CDK14: variants seen among roughly 807,000 people sequenced by gnomAD.
The protein encoded by CDK14 is cyclin-dependent kinase 14.
In CDK14, 34 loss-of-function variants were observed where a neutral mutation model predicts 60.7. That is an observed-to-expected ratio of 0.56 (90% CI 0.43 to 0.75). The LOEUF (loss-of-function observed/expected upper bound fraction) is 0.75. CDK14 is among the 30% of genes least tolerant of loss of function. The pLI is 0.00. For missense variants in CDK14, 482 were observed against 564.1 expected, an observed-to-expected ratio of 0.85 and a Z score of 1.47; for synonymous variants, 197 against 203.7, an observed-to-expected ratio of 0.97 and a Z score of 0.28.
chr7:90,725,576 T>C (rs186642930), intron 2 of CDK14, among the ~76,000 whole-genome samples: 1 of 152,300 alleles, frequency 6.6e-6, no homozygotes, highest in Non-Finnish European at 1.5e-5. Flanking sequence ...GTTTTTCTGC[T>C]TTTGATAGCA....
chr7:90,913,868 C>CAG (rs1355189515), intron 7 of CDK14, among the ~76,000 whole-genome samples: 1 of 152,102 alleles, frequency 6.6e-6, no homozygotes, highest in African/African-American at 2.4e-5. Flanking sequence ...TTGGGAGAGA[C>CAG]AGAGGGTTGA....
chr7:91,205,095 G>A (rs1802849183), intron 14 of CDK14, among the ~76,000 whole-genome samples: 1 of 152,160 alleles, frequency 6.6e-6, no homozygotes, highest in South Asian at 2.1e-4. Context: ...GTGGAAATGT[G>A]AAATGGTACA....
chr7:90,849,709 G>C (rs897361643), intron 5 of CDK14, among the ~76,000 whole-genome samples: 1 of 151,996 alleles, frequency 6.6e-6, no homozygotes. Flanking sequence ...AAAAGCCAGA[G>C]TGTTTATTTA....
At chr7:91,176,124 G>A (rs1801742670) in intron 14 of CDK14, among the ~76,000 whole-genome samples, 1 of 151,540 alleles carries the variant, frequency 6.6e-6, no homozygotes, top group African/African-American at 2.4e-5. Flanking sequence ...AGACCACAGT[G>A]CAATCAAACT....
intron 3 of CDK14, among the ~76,000 whole-genome samples, chr7:90,733,959 T>G (rs1048186401): frequency 2.0e-5 from 3 of 152,228 alleles, no homozygotes; most frequent in South Asian, 4.1e-4. Flanking sequence ...GTTGTTCCTT[T>G]CCATGTTTAG....
intron 3 of CDK14, among the ~76,000 whole-genome samples, chr7:90,740,542 A>G (rs868010563): frequency 3.1e-4 from 47 of 152,276 alleles, no homozygotes; most frequent in South Asian, 2.1e-3. Context: ...GTGAGGACAC[A>G]AGAGAAGGTG....
intron 7 of CDK14, among the ~76,000 whole-genome samples, chr7:90,901,674 G>GTA (rs10646692): frequency 0.54 from 80,120 of 148,026 alleles, 21,605 homozygotes; most frequent in East Asian, 0.7. Flanking sequence ...AGCTTTATAT[G>GTA]TATATATATA....
At chr7:90,827,336 A>G (rs1413079917) in intron 5 of CDK14, among the ~76,000 whole-genome samples, 3 of 152,132 alleles carry the variant, frequency 2.0e-5, no homozygotes, top group Non-Finnish European at 2.9e-5. Flanking sequence ...ACCACAGTTT[A>G]TTTATTTATT....
At chr7:90,618,899 G>C (rs934320659) in intron 2 of CDK14, among the ~76,000 whole-genome samples, 1 of 152,154 alleles carries the variant, frequency 6.6e-6, no homozygotes, top group Non-Finnish European at 1.5e-5. Context: ...GTGCCTTATT[G>C]TGTCTTTTTC....
intron 2 of CDK14, among the ~76,000 whole-genome samples, chr7:90,662,510 G>A (rs1405876466): frequency 6.6e-6 from 1 of 152,208 alleles, no homozygotes; most frequent in African/African-American, 2.4e-5. Flanking sequence ...CATGATAGTG[G>A]AATAATGCTT....
Position 91,173,958 on chromosome 7 carries a change from G to C in CDK14, c.*29-33207G>C, listed in dbSNP as rs867635939. Reference sequence around the variant, plus strand: ...CTCCAACTGGGTGGAGCCCACCACAGCTCAAGGAGGCCTGCCTGCCTCTGT... The same window carrying C: ...CTCCAACTGGGTGGAGCCCACCACACCTCAAGGAGGCCTGCCTGCCTCTGT... On this transcript the variant is annotated intron_variant, in intron 14 of 14. Transcript: ENST00000380050. Among the ~76,000 whole-genome samples the C allele has an allele frequency of 4.2e-3, 647 of 152,318 alleles. 4 individuals carry two copies. Among genetic ancestry groups the C allele is most frequent in the African/African-American group, 0.015 (616 of 41,588 alleles).
At chr7:90,723,176 A>G (rs1427506638) in intron 2 of CDK14, among the ~76,000 whole-genome samples, 2 of 152,216 alleles carry the variant, frequency 1.3e-5, no homozygotes, top group South Asian at 2.1e-4. Flanking sequence ...AATTTATCAA[A>G]TGCTTTTTTC....
intron 5 of CDK14, among the ~76,000 whole-genome samples, chr7:90,843,935 A>G (rs1790380876): frequency 3.3e-5 from 5 of 152,168 alleles, no homozygotes; most frequent in Admixed American, 3.3e-4. Flanking sequence ...TTTATATAGC[A>G]TCTTTAAATT....
At position 91,034,160 on chromosome 7, in the gene CDK14, T is replaced by C. The variant is rs139780969; in HGVS notation, c.1042-11737T>C. Among the ~76,000 whole-genome samples, 209 of 152,252 alleles carry C rather than the reference T, an allele frequency of 1.4e-3. 1 individual carries two copies. Among genetic ancestry groups the C allele is most frequent in the Non-Finnish European group, 2.5e-3 (171 of 68,016 alleles). On this transcript the variant is annotated intron_variant, in intron 10 of 14. Transcript: ENST00000380050. Reference sequence around the variant, plus strand: ...CTTCTGTATACAGGCTGAAAACTTTTTTTAAAAAAATCTCTGAACTGTATA... The same window carrying C: ...CTTCTGTATACAGGCTGAAAACTTTCTTTAAAAAAATCTCTGAACTGTATA...
At chr7:90,985,472 C>G (rs1795347437) in intron 10 of CDK14, among the ~76,000 whole-genome samples, 1 of 151,968 alleles carries the variant, frequency 6.6e-6, no homozygotes, top group Non-Finnish European at 1.5e-5. Flanking sequence ...TCATTTTATG[C>G]CAGATATTCA....
intron 4 of CDK14, among the ~76,000 whole-genome samples, chr7:90,775,621 TCCTCCC>T (rs1378997696): frequency 3.7e-4 from 29 of 79,224 alleles, no homozygotes; most frequent in Middle Eastern, 6.1e-3. Context: ...AAATACCTCC[TCCTCCC>T]CCTCCCCCTT....
intron 6 of CDK14, among the ~76,000 whole-genome samples, chr7:90,874,823 C>T (rs565420215): frequency 1.2e-4 from 18 of 152,172 alleles, no homozygotes; most frequent in East Asian, 1.9e-4. Flanking sequence ...CCACCGCGCC[C>T]GGCCTCATCC....
chr7:91,096,539 A>G (rs1231001509), intron 12 of CDK14, among the ~76,000 whole-genome samples: 4 of 152,194 alleles, frequency 2.6e-5, no homozygotes, highest in Non-Finnish European at 4.4e-5. Context: ...CTTGGAAACT[A>G]TGAGATAATA....
At chr7:91,194,014 C>A (rs373388662) in intron 14 of CDK14, among the ~76,000 whole-genome samples, 2 of 152,130 alleles carry the variant, frequency 1.3e-5, no homozygotes, top group African/African-American at 4.8e-5. Flanking sequence ...TTATTTGAAT[C>A]GCCAATCTCT....
Sources: gnomAD v4.1 joint callset for allele counts (sites outside exome capture counted in the v4.1 genomes callset) on GRCh38, gnomAD v4.1.1 for gene constraint, MANE v1.5 for transcripts, NCBI Gene and HGNC (gene_info 2026-07-23, HGNC 2026-07-21) for gene names.